LRRC49: variants seen among roughly 807,000 people sequenced by gnomAD.
LRRC49 encodes leucine rich repeat containing 49.
A neutral mutation model predicts 83.3 loss-of-function variants in LRRC49; 50 were observed. That is an observed-to-expected ratio of 0.60 (90% confidence interval 0.48 to 0.76). LRRC49 has a LOEUF of 0.76. Ranked by LOEUF, LRRC49 falls within the 30% of genes least tolerant of loss-of-function variation. The pLI is 0.00. For missense variants in LRRC49, 704 were observed against 809.1 expected (o/e 0.87, Z 1.58); for synonymous variants, 286 against 283.3 (o/e 1.01, Z -0.10).
intron 8 of LRRC49, among the ~76,000 whole-genome samples, chr15:70,962,877 G>C (rs1394147821): frequency 6.6e-6 from 1 of 152,016 alleles, no homozygotes; most frequent in Non-Finnish European, 1.5e-5. Context: ...AGGATGCAAT[G>C]GTAACTTTAC....
At chr15:70,862,151 C>G (rs1378909133) in intron 1 of LRRC49, among the ~76,000 whole-genome samples, 3 of 152,228 alleles carry the variant, frequency 2.0e-5, no homozygotes, top group Non-Finnish European at 4.4e-5. Context: ...CGAGCCCACC[C>G]TGGTCCTCCA....
intron 1 of LRRC49, among the ~76,000 whole-genome samples, chr15:70,872,621 A>C (rs2033073302): frequency 6.6e-6 from 1 of 152,172 alleles, no homozygotes; most frequent in Non-Finnish European, 1.5e-5. Flanking sequence ...GATACGCTTT[A>C]GGGTTTCCAA....
At chr15:70,867,883 G>C (rs922925393) in intron 1 of LRRC49, among the ~76,000 whole-genome samples, 4 of 152,136 alleles carry the variant, frequency 2.6e-5, no homozygotes, top group African/African-American at 9.6e-5. Context: ...GCCATTCAAA[G>C]TGGACTAGTC....
At chr15:70,970,005 A>C (rs2036937057) in intron 9 of LRRC49, among the ~76,000 whole-genome samples, 1 of 152,168 alleles carries the variant, frequency 6.6e-6, no homozygotes, top group African/African-American at 2.4e-5. Context: ...CGGAACTTCC[A>C]ATACTATGTT....
rs535811728 is a variant in LRRC49, at chr15:70,859,530, G to A, written c.-299+6061G>A. ...GTGCAGTAGGAGGAGATTGCCAACC[G>A]CAGCCAGGCGGAGGCTGAGAGCATG... On this transcript the variant is annotated intron_variant, in intron 1 of 16. Transcript: ENST00000544974. 5.2e-4 allele frequency: 352 copies of A among 674,532 alleles called. 4 individuals are homozygous for A. Among genetic ancestry groups the A allele is most frequent in the South Asian group, 4.5e-3 (329 of 72,808 alleles). 41.8% of individuals were successfully genotyped at this position (674,532 alleles called of 1,614,324 possible).
intron 1 of LRRC49, among the ~76,000 whole-genome samples, chr15:70,872,233 A>G (rs993041353): frequency 1.3e-5 from 2 of 152,234 alleles, no homozygotes; most frequent in Non-Finnish European, 2.9e-5. Context: ...GTCTCCACCA[A>G]AAAATACAAA....
chr15:70,867,359 AAC>A (rs2032935838), intron 1 of LRRC49, among the ~76,000 whole-genome samples: 1 of 152,174 alleles, frequency 6.6e-6, no homozygotes, highest in Non-Finnish European at 1.5e-5. Context: ...TCTGAGCATC[AAC>A]AGAGTATTTT....
chr15:70,943,414 C>T (rs1314341440), intron 8 of LRRC49, among the ~76,000 whole-genome samples: 2 of 152,116 alleles, frequency 1.3e-5, no homozygotes, highest in African/African-American at 2.4e-5. Context: ...GAGTAAATTA[C>T]ACTTGGAAGA....
chr15:71,029,905 A>G (rs757637446), intron 14 of LRRC49, among the ~76,000 whole-genome samples: 3 of 149,838 alleles, frequency 2.0e-5, no homozygotes, highest in Non-Finnish European at 3.0e-5. Flanking sequence ...TTTTGAGCCT[A>G]TGTGTGTCTC....
intron 8 of LRRC49, among the ~76,000 whole-genome samples, chr15:70,943,993 C>T (rs568762309): frequency 6.6e-6 from 1 of 152,188 alleles, no homozygotes; most frequent in African/African-American, 2.4e-5. Context: ...TTTTTTGTTA[C>T]GACAGTAAAC....
chr15:70,996,865 CAGT>C (rs1325228332), intron 11 of LRRC49, among the ~76,000 whole-genome samples: 1 of 152,144 alleles, frequency 6.6e-6, no homozygotes, highest in Non-Finnish European at 1.5e-5. Flanking sequence ...TTTAAGACTG[CAGT>C]GTTTAATTTG....
chr15:70,853,890 TG>T, intron 1 of LRRC49: 2 of 1,301,832 alleles, frequency 1.5e-6, no homozygotes, highest in Non-Finnish European at 2.0e-6. Flanking sequence ...CGCGCCTACC[TG>T]TGCCCGCGGC....
chr15:70,862,718 C>T (rs1272863173), intron 1 of LRRC49, among the ~76,000 whole-genome samples: 2 of 152,024 alleles, frequency 1.3e-5, no homozygotes, highest in East Asian at 3.9e-4. Flanking sequence ...ATTCAAGAAC[C>T]TCTGTGTTCG....
intron 15 of LRRC49, among the ~76,000 whole-genome samples, chr15:71,040,022 A>C (rs1369406060): frequency 6.6e-6 from 1 of 152,240 alleles, no homozygotes; most frequent in Non-Finnish European, 1.5e-5. Flanking sequence ...CCTTTTAAAA[A>C]TATTGTCAGC....
chr15:70,990,906 C>T (rs1487265042), intron 11 of LRRC49, among the ~76,000 whole-genome samples: 1 of 152,192 alleles, frequency 6.6e-6, no homozygotes, highest in Non-Finnish European at 1.5e-5. Flanking sequence ...GTTTAAACTT[C>T]ACATGTTCCA....
chr15:70,904,354 C>G (rs1229300016), intron 4 of LRRC49, among the ~76,000 whole-genome samples, 198 bp from the exon 5 acceptor site: 1 of 152,000 alleles, frequency 6.6e-6, no homozygotes, highest in Non-Finnish European at 1.5e-5. Flanking sequence ...ATAATAAACC[C>G]TGTCAAAGTC....
intron 9 of LRRC49, 39 bp downstream of exon 9, chr15:70,963,971 T>G (rs2036703017): frequency 6.3e-7 from 1 of 1,577,164 alleles, no homozygotes; most frequent in Admixed American, 1.8e-5. Flanking sequence ...GTTGTTGTCC[T>G]TAGTGTGGAT....
chr15:70,886,079 C>T (rs1024919165), intron 2 of LRRC49, among the ~76,000 whole-genome samples: 1 of 151,762 alleles, frequency 6.6e-6, no homozygotes, highest in African/African-American at 2.4e-5. Context: ...TCTAATTAAC[C>T]CACGAATAAA....
intron 7 of LRRC49, among the ~76,000 whole-genome samples, chr15:70,928,256 C>A (rs1176862006): frequency 6.6e-6 from 1 of 152,066 alleles, no homozygotes. Flanking sequence ...TAGAGATATT[C>A]TGGAAGTTCA....
Sources: gnomAD v4.1 joint callset for allele counts (sites outside exome capture counted in the v4.1 genomes callset) on GRCh38, gnomAD v4.1.1 for gene constraint, MANE v1.5 for transcripts, NCBI Gene and HGNC (gene_info 2026-07-23, HGNC 2026-07-21) for gene names.